The following TMEM210 variants were observed in gnomAD, a reference collection of about 807,000 sequenced individuals.
TMEM210 encodes transmembrane protein 210.
Under a neutral mutation model 10.3 loss-of-function variants are expected in TMEM210, and 7 were observed. The ratio of observed to expected loss-of-function variants is 0.68; its 90% CI spans 0.39 to 1.28. The LOEUF (loss-of-function observed/expected upper bound fraction) is 1.28. TMEM210 is among the 50% of genes most tolerant of loss of function. The pLI, the probability that TMEM210 is intolerant of heterozygous loss-of-function variation, is 0.01. For missense variants in TMEM210, 185 were observed against 197.8 expected, an observed-to-expected ratio of 0.94 and a Z score of 0.39; for synonymous variants, 79 against 81.2, an observed-to-expected ratio of 0.97 and a Z score of 0.14.
rs551620809 is a variant in TMEM210 at position 137,171,299 on chromosome 9, T to G, written c.254+115A>C. 1.1e-4 allele frequency: 163 copies of G among 1,495,164 alleles called. No homozygotes were observed. In the African/African-American group the frequency reaches 1.9e-3, roughly 17 times the overall value. The allele number at this position is 1,495,164 out of a possible 1,614,324, so 92.6% of individuals were successfully genotyped here. On this transcript the variant is annotated intron_variant, in intron 3 of 3. Transcript: ENST00000413619. ...CCTCCTCTTCCAGGGACAGCACCCC[T>G]CCTCCTCCAGGGACAGCACCCCTCC...
At chr9:137,171,306 C>T in intron 3 of TMEM210, 108 bp downstream of exon 3, 1 of 1,509,614 alleles carries the variant, frequency 6.6e-7, no homozygotes, top group Non-Finnish European at 8.9e-7. Context: ...CCCTCCTCCT[C>T]CAGGGACAGC....
Position 137,171,466 on chromosome 9 carries a change from G to T in TMEM210, c.225-23C>A, listed in dbSNP as rs993530973. 3.3e-6 allele frequency: 5 copies of T among 1,535,390 alleles called. No individual in the cohort carries two copies. In the African/African-American group the frequency reaches 6.9e-5, roughly 21 times the overall value. On this transcript the variant is annotated intron_variant, in intron 2 of 3. Transcript: ENST00000413619. ...TCACTGAGGGGACGAAGGCCAACAT[G>T]AGTCCTGGAACAGTGCTGGGCCCCC...
chr9:137,171,207 T>C, intron 3 of TMEM210, 43 bp from the exon 4 acceptor site: 1 of 1,522,062 alleles, frequency 6.6e-7, no homozygotes, highest in Non-Finnish European at 8.8e-7. Flanking sequence ...AGAGTCCTTG[T>C]TCCCCCAGGA....
At chr9:137,171,359 C>A in intron 3 of TMEM210, 55 bp downstream of exon 3, 1 of 1,534,930 alleles carries the variant, frequency 6.5e-7, no homozygotes, top group Non-Finnish European at 8.7e-7. Context: ...GCTCCCCCCG[C>A]CAAGGGCCTC....
chr9:137,171,829 C>A, intron 1 of TMEM210, 53 bp from the exon 2 acceptor site: 1 of 1,471,022 alleles, frequency 6.8e-7, no homozygotes, highest in South Asian at 1.4e-5. Flanking sequence ...TGCAGAGGGC[C>A]CCCAAGTCTG....
In TMEM210 at chr9:137,171,442, C is replaced by A. The variant is rs757805731; in HGVS notation, c.226G>T (p.Glu76Ter). The stretch of plus-strand genomic sequence containing the variant: ...TTGTCCACTTGTCTCGGGCATGTTT[C>A]ACTGAGGGGACGAAGGCCAACATGA... ...VAIGVLRAKGETCPRQVDNRL... is the reference protein window; with the variant it reads ...VAIGVLRAKG Residue 76 changes from glutamate to a stop codon, truncating the protein, a stop_gained and splice_region_variant, in exon 3 of 4, where the codon GAA (glutamate) becomes TAA (stop). Coordinates refer to ENST00000413619, the MANE Select transcript of TMEM210 (RefSeq NM_001282477.2). LOFTEE classifies it low-confidence loss of function (END_TRUNC). 13 of 1,535,502 alleles carry A rather than the reference C, an allele frequency of 8.5e-6. No homozygotes were observed. In the South Asian group the frequency reaches 1.4e-4, roughly 17 times the overall value.
Position 137,170,886 on chromosome 9 carries a change from C to G in TMEM210, c.*89G>C, listed in dbSNP as rs1246063514. 3.6e-6 allele frequency: 5 copies of G among 1,383,706 alleles called. No homozygotes were observed. Among genetic ancestry groups the G allele is most frequent in the Non-Finnish European group, 4.8e-6 (5 of 1,041,704 alleles). The allele number at this position is 1,383,706 out of a possible 1,614,324, so 85.7% of individuals were successfully genotyped here. A position where few individuals can be genotyped will look rare whatever the true frequency, so the allele number is the denominator to read the frequency against. On this transcript the variant is annotated 3_prime_UTR_variant, in exon 4 of 4. Coordinates refer to ENST00000413619, the MANE Select transcript of TMEM210 (RefSeq NM_001282477.2). ...ACTAAACAAGCTTTAATTCCCCTCC[C>G]CCAGCTGCCCTCAGGAGGGCCTGCA... is the stretch of plus-strand genomic sequence containing the variant.
rs1252651935 is a variant in TMEM210, at chr9:137,171,174, G to T, written c.255-10C>A. The T allele has an allele frequency of 6.5e-6, 10 of 1,533,338 alleles. No homozygotes were observed. Among genetic ancestry groups the T allele is most frequent in the Admixed American group, 3.9e-5 (2 of 50,876 alleles). 95.0% of individuals were successfully genotyped at this position (1,533,338 alleles called of 1,614,324 possible). ...AAAATTCTCCACCAACCTGCATGAC[G>T]GGCCGGGTCATCACGAGCTGGTAGA... On this transcript the variant is annotated splice_polypyrimidine_tract_variant and intron_variant, in intron 3 of 3. Coordinates refer to ENST00000413619, the MANE Select transcript of TMEM210 (RefSeq NM_001282477.2).
chr9:137,171,590 CA>C, intron 2 of TMEM210, 50 bp downstream of exon 2: 1 of 1,526,642 alleles, frequency 6.6e-7, no homozygotes, highest in Non-Finnish European at 8.8e-7. Context: ...GGGCCCAGGG[CA>C]GCCAGCCTGG....
Position 137,171,734 on chromosome 9 carries a change from G to A in TMEM210, c.131C>T (p.Ala44Val), listed in dbSNP as rs747720458. ...CAGCACCACAAGGAGGGCGATGAGG[G>A]CCTCGCGGCTGAGGCCAAGGCTGCA... ...CECSLGLSRE[A>V]LIALLVVLAG... Residue 44 changes from alanine to valine, a missense_variant, in exon 2 of 4, where the codon GCC becomes GTC. Transcript: ENST00000413619. The A allele has an allele frequency of 7.4e-5, 114 of 1,535,250 alleles. No homozygotes were observed. Among genetic ancestry groups the A allele is most frequent in the Non-Finnish European group, 9.7e-5 (111 of 1,146,520 alleles).
chr9:137,171,561 G>A, intron 2 of TMEM210, 80 bp downstream of exon 2: 1 of 1,531,572 alleles, frequency 6.5e-7, no homozygotes. Flanking sequence ...AGGGGGTAAA[G>A]CCCTTCTTGC....
chr9:137,171,167 G>A lies in TMEM210; in HGVS notation c.255-3C>T. The A allele has an allele frequency of 6.5e-7, 1 of 1,534,226 alleles. No individual in the cohort carries two copies. On this transcript the variant is annotated splice_region_variant and splice_polypyrimidine_tract_variant and intron_variant, in intron 3 of 3. Coordinates refer to ENST00000413619, the MANE Select transcript of TMEM210 (RefSeq NM_001282477.2). ...GGACCCCAAAATTCTCCACCAACCT[G>A]CATGACGGGCCGGGTCATCACGAGC... is the stretch of plus-strand genomic sequence containing the variant.
At chr9:137,171,359 C>T (rs1588751705) in intron 3 of TMEM210, 55 bp downstream of exon 3, 19 of 1,534,930 alleles carry the variant, frequency 1.2e-5, no homozygotes, top group East Asian at 4.9e-5. Context: ...GCTCCCCCCG[C>T]CAAGGGCCTC....
intron 3 of TMEM210, 93 bp downstream of exon 3, chr9:137,171,321 C>T: frequency 1.3e-6 from 2 of 1,519,390 alleles, no homozygotes; most frequent in Non-Finnish European, 1.8e-6. Context: ...GACAGCACCC[C>T]TCCTCCTCCA....
In TMEM210 at chr9:137,171,425, T is replaced by G; in HGVS notation, c.243A>C (p.Gln81His). The change falls in exon 3 of 4, where the codon CAA becomes CAC. Residue 81 changes from glutamine (Q) to histidine (H), a missense_variant. Transcript: ENST00000413619. ...LRAKGETCPR[Q>H]VDNRLVENFG... ...TCCCTGGTGCTCACCTGTTGTCCAC[T>G]TGTCTCGGGCATGTTTCACTGAGGG... The G allele has an allele frequency of 6.5e-7, 1 of 1,535,486 alleles. No individual in the cohort carries two copies. Among genetic ancestry groups the G allele is most frequent in the South Asian group, 1.2e-5 (1 of 84,046 alleles).
At position 137,171,045 on chromosome 9, in the gene TMEM210, C is replaced by T. The variant is rs1834096821; in HGVS notation, c.374G>A (p.Ser125Asn). 6.5e-7 allele frequency: 1 copy of T among 1,535,224 alleles called. No individual in the cohort carries two copies. Among genetic ancestry groups the T allele is most frequent in the Admixed American group, 2.0e-5 (1 of 50,942 alleles). The change falls in exon 4 of 4, where the codon AGC (serine) becomes AAC (asparagine). Residue 125 changes from serine to asparagine, a missense_variant. Ser to Asn is a conservative substitution (Grantham distance 46). Transcript: ENST00000413619. ...VSLVPPLEDQ[S>N]LVAIPMEASS... is the part of the protein sequence containing the mutation. ...AGCCTCCATGGGGATGGCCACAAGG[C>T]TCTGATCCTCTAGTGGTGGCACCAG...
At position 137,171,626 on chromosome 9, in the gene TMEM210, C is replaced by A; in HGVS notation, c.224+15G>T. The A allele has an allele frequency of 1.3e-6, 2 of 1,531,432 alleles. No homozygotes were observed. The highest frequency in any genetic ancestry group is 1.7e-6 in the Non-Finnish European group (2 of 1,143,794). 94.9% of individuals were successfully genotyped at this position (1,531,432 alleles called of 1,614,324 possible). The stretch of plus-strand genomic sequence containing the variant: ...GCCTCACTCCCATCCTCTCCCGGCC[C>A]CAGGGTTCACGCACCCCTTGGCCCG... On this transcript the variant is annotated intron_variant, in intron 2 of 3. Coordinates refer to ENST00000413619, the MANE Select transcript of TMEM210 (RefSeq NM_001282477.2).
intron 3 of TMEM210, 98 bp downstream of exon 3, chr9:137,171,316 C>A (rs1190165218): frequency 1.3e-6 from 2 of 1,515,464 alleles, no homozygotes; most frequent in Non-Finnish European, 1.8e-6. Context: ...CCAGGGACAG[C>A]ACCCCTCCTC....
At position 137,171,951 on chromosome 9, in the gene TMEM210, A is replaced by G; in HGVS notation, c.77T>C (p.Ile26Thr). Residue 26 changes from isoleucine to threonine, a missense_variant, in exon 1 of 4, where the codon ATC (isoleucine) becomes ACC (threonine). Coordinates refer to ENST00000413619, the MANE Select transcript of TMEM210 (RefSeq NM_001282477.2). ...LGLTYLSLLL[I>T]PAAAGTYCEC... ...GCAGGAGGAGGCACCTGCAGCAGGG[A>G]TGAGCAGAAGGGACAAATATGTGAG... 1 of 1,433,710 alleles carries G rather than the reference A, an allele frequency of 7.0e-7. No individual in the cohort carries two copies. Among genetic ancestry groups the G allele is most frequent in the Non-Finnish European group, 9.1e-7 (1 of 1,097,398 alleles). The allele number at this position is 1,433,710 out of a possible 1,614,324, so 88.8% of individuals were successfully genotyped here. A position where few individuals can be genotyped will look rare whatever the true frequency, so the allele number is the denominator to read the frequency against.
Sources: gnomAD v4.1 joint callset for allele counts on GRCh38, gnomAD v4.1.1 for gene constraint, MANE v1.5 for transcripts, NCBI Gene and HGNC (gene_info 2026-07-23, HGNC 2026-07-21) for gene names.